RAN: variants seen among roughly 807,000 people sequenced by gnomAD.
RAN encodes the protein GTP-binding nuclear protein Ran.
In RAN, 2 loss-of-function variants were observed where a neutral mutation model predicts 26.8. The ratio of observed to expected loss-of-function variants is 0.07; its 90% CI spans 0.03 to 0.23. RAN has a LOEUF of 0.23. Among genes scored for constraint, RAN ranks in the 10% least tolerant of loss-of-function variants. The pLI, the probability that RAN is intolerant of heterozygous loss-of-function variation, is 1.00. For synonymous variants in RAN, 132 were observed against 95.9 expected (o/e 1.38, Z -2.20); for missense variants, 56 against 264.8 (o/e 0.21, Z 5.47).
chr12:130,877,375 A>T lies in RAN; in HGVS notation c.*1449A>T, dbSNP rs1240374475. ...ACTGGCAACAGTTGAGTTTCTTAAG[A>T]TCTGAATTGCTGTGTATGTTACGCT... On this transcript the variant is annotated 3_prime_UTR_variant, in exon 7 of 7. Coordinates refer to ENST00000543796, the MANE Select transcript of RAN (RefSeq NM_006325.5). 1 of 152,238 alleles carries T rather than the reference A, an allele frequency of 6.6e-6. No individual in the cohort carries two copies. The highest frequency in any genetic ancestry group is 1.5e-5 in the Non-Finnish European group (1 of 68,040). 9.4% of individuals were successfully genotyped at this position (152,238 alleles called of 1,614,324 possible). A position where few individuals can be genotyped will look rare whatever the true frequency, so the allele number is the denominator to read the frequency against.
intron 4 of RAN, chr12:130,873,967 C>A (rs41276692): frequency 0.092 from 30,910 of 337,590 alleles, 1,773 homozygotes; most frequent in Middle Eastern, 0.14. Flanking sequence ...CTTACCTCAG[C>A]ATCCTGAGTA....
chr12:130,873,689 C>T (rs758021252), intron 4 of RAN: 3 of 158,242 alleles, frequency 1.9e-5, no homozygotes, highest in Non-Finnish European at 2.8e-5. Context: ...TGGAACCTCA[C>T]GTTGCCGATA....
At chr12:130,872,775 ACT>A (rs1430539906) in intron 2 of RAN, 59 bp from the exon 3 acceptor site, 9 of 1,598,138 alleles carry the variant, frequency 5.6e-6, no homozygotes, top group Admixed American at 1.7e-5. Flanking sequence ...AAGTTCCGTG[ACT>A]CTGGGATCTT....
At chr12:130,875,437 C>A (rs879468236) in intron 5 of RAN, among the ~76,000 whole-genome samples, 175 bp from the exon 6 acceptor site, 1 of 151,942 alleles carries the variant, frequency 6.6e-6, no homozygotes, top group South Asian at 2.1e-4. Context: ...CAGGCCTGAT[C>A]GTGTACTATT....
rs954862513 is a variant in RAN, at chr12:130,872,590, C to T, written c.-4C>T. The T allele has an allele frequency of 3.3e-6, 5 of 1,518,918 alleles. No individual in the cohort carries two copies. The highest frequency in any genetic ancestry group is 4.4e-6 in the Non-Finnish European group (5 of 1,136,978). The allele number at this position is 1,518,918 out of a possible 1,614,324, so 94.1% of individuals were successfully genotyped here. On this transcript the variant is annotated 5_prime_UTR_variant, in exon 2 of 7. Coordinates refer to ENST00000543796, the MANE Select transcript of RAN (RefSeq NM_006325.5). ...CCGTCCTCTGCCTCCGCAGGAACGC[C>T]GCGATGGCTGCGCAGGGAGAGCCCC...
At position 130,874,437 on chromosome 12, in the gene RAN, A is replaced by G. The variant is rs137943859; in HGVS notation, c.248-109A>G. 1.7e-4 allele frequency: 131 copies of G among 777,480 alleles called. No homozygotes were observed. The African/African-American group carries it at 2.2e-3, about 13-fold the overall frequency. 48.2% of individuals were successfully genotyped at this position (777,480 alleles called of 1,614,324 possible). The stretch of plus-strand genomic sequence containing the variant: ...GAAAGTGAGGGGAGAGATACAGGTG[A>G]CTCGTTGAGGTCTAAGACTATAACT... On this transcript the variant is annotated intron_variant, in intron 4 of 6. Transcript: ENST00000543796.
In RAN at chr12:130,876,749, TAAAAA is replaced by T. The variant is rs1279168813; in HGVS notation, c.*824_*828del. 6.7e-6 allele frequency: 1 copy of T among 149,920 alleles called. No individual in the cohort carries two copies. The highest frequency in any genetic ancestry group is 1.5e-5 in the Non-Finnish European group (1 of 68,028). The allele number at this position is 149,920 out of a possible 1,614,324, so 9.3% of individuals were successfully genotyped here. A position where few individuals can be genotyped will look rare whatever the true frequency, so the allele number is the denominator to read the frequency against. On this transcript the variant is annotated 3_prime_UTR_variant, in exon 7 of 7. Transcript: ENST00000543796. The stretch of plus-strand genomic sequence containing the variant: ...GCAGGAGGTTGGGAATTCTTGCTGT[TAAAAA>T]TAATTACAAATTTTGCACTTTTTTG...
At position 130,876,278 on chromosome 12, in the gene RAN, C is replaced by CT. The variant is rs1395046862; in HGVS notation, c.*353dup. ...CAGAATAAAGTTGTATTTCAAATAT[C>CT]TAAGCAAGTGAACTCATCCCTTGTT... On this transcript the variant is annotated 3_prime_UTR_variant, in exon 7 of 7. Transcript: ENST00000543796. The CT allele has an allele frequency of 8.6e-6, 2 of 232,966 alleles. No individual in the cohort carries two copies. The highest frequency in any genetic ancestry group is 2.0e-4 in the East Asian group (2 of 9,934). 14.4% of individuals were successfully genotyped at this position (232,966 alleles called of 1,614,324 possible). A position where few individuals can be genotyped will look rare whatever the true frequency, so the allele number is the denominator to read the frequency against.
At chr12:130,872,964 G>A in intron 3 of RAN, 39 bp from the exon 4 acceptor site, 1 of 1,614,136 alleles carries the variant, frequency 6.2e-7, no homozygotes. Flanking sequence ...GTGAGAAATG[G>A]GTAAGTTCAT....
rs1953268903 is a variant in RAN, at chr12:130,877,431, GAGATGGGA to G, written c.*1508_*1515del. 1 of 152,214 alleles carries G rather than the reference GAGATGGGA, an allele frequency of 6.6e-6. No individual in the cohort carries two copies. The highest frequency in any genetic ancestry group is 2.1e-4 in the South Asian group (1 of 4,826). 9.4% of individuals were successfully genotyped at this position (152,214 alleles called of 1,614,324 possible). ...CAGAACCAGTTTCTAACCAGCCTGT[GAGATGGGA>G]AGTTTTTTCCCCATAATTGGGATGA... On this transcript the variant is annotated 3_prime_UTR_variant, in exon 7 of 7. Coordinates refer to ENST00000543796, the MANE Select transcript of RAN (RefSeq NM_006325.5).
intron 2 of RAN, 54 bp downstream of exon 2, chr12:130,872,683 G>C: frequency 6.5e-7 from 1 of 1,531,932 alleles, no homozygotes; most frequent in Non-Finnish European, 8.8e-7. Context: ...TGCGACTCGC[G>C]GGTCCCTCCT....
chr12:130,875,801 T>TGTTCAGATTGTTCG lies in RAN; in HGVS notation c.606+23_606+36dup, dbSNP rs544419441. ...CTTAGAGGTATTGTGGCCACTTTGCTGTTCAGATTGTTCGGTTTGGCTTGT... is the reference window on the plus strand; with the variant it reads ...CTTAGAGGTATTGTGGCCACTTTGCTGTTCAGATTGTTCGGTTCAGATTGTTCGGTTTGGCTTGT... On this transcript the variant is annotated intron_variant, in intron 6 of 6. Coordinates refer to ENST00000543796, the MANE Select transcript of RAN (RefSeq NM_006325.5). 145 of 1,614,166 alleles carry TGTTCAGATTGTTCG rather than the reference T, an allele frequency of 9.0e-5. No individual in the cohort carries two copies. In the African/African-American group the frequency reaches 1.8e-3, roughly 20 times the overall value.
chr12:130,873,928 G>T (rs1030901764), intron 4 of RAN: 1 of 232,174 alleles, frequency 4.3e-6, no homozygotes, highest in Non-Finnish European at 9.1e-6. Context: ...CTGGAGTGCA[G>T]CTTCCGCCTC....
chr12:130,872,469 C>G (rs999855363), intron 1 of RAN, 115 bp from the exon 2 acceptor site: 2 of 647,904 alleles, frequency 3.1e-6, no homozygotes. Flanking sequence ...CGCCATGGCG[C>G]CGCGGGCGGG....
chr12:130,875,748 C>T lies in RAN; in HGVS notation c.572C>T (p.Pro191Leu). 6.2e-7 allele frequency: 1 copy of T among 1,614,038 alleles called. No individual in the cohort carries two copies. Among genetic ancestry groups the T allele is most frequent in the Non-Finnish European group, 8.5e-7 (1 of 1,179,978 alleles). Residue 191 changes from proline to leucine, a missense_variant, in exon 6 of 7, where the codon CCA (proline) becomes CTA (leucine). Coordinates refer to ENST00000543796, the MANE Select transcript of RAN (RefSeq NM_006325.5). ...GCCCCACCAGAAGTTGTCATGGACCCAGCTTTGGCAGCACAGTATGAGCAC... is the reference window on the plus strand; with the variant it reads ...GCCCCACCAGAAGTTGTCATGGACCTAGCTTTGGCAGCACAGTATGAGCAC... Reference protein sequence around the residue: ...ALAPPEVVMDPALAAQYEHDL... With the variant: ...ALAPPEVVMDLALAAQYEHDL...
chr12:130,872,756 T>G, intron 2 of RAN, 80 bp from the exon 3 acceptor site: 1 of 1,582,840 alleles, frequency 6.3e-7, no homozygotes, highest in Non-Finnish European at 8.7e-7. Context: ...AGTGAGCCTG[T>G]GGTGGTTAAA....
At chr12:130,875,462 C>G in intron 5 of RAN, 150 bp from the exon 6 acceptor site, 3 of 722,414 alleles carry the variant, frequency 4.2e-6, no homozygotes, top group Admixed American at 3.0e-5. Context: ...TCAGGCAATC[C>G]CACCTCAGCC....
chr12:130,874,901 C>G (rs943793900), intron 5 of RAN, among the ~76,000 whole-genome samples, 168 bp downstream of exon 5: 1 of 152,074 alleles, frequency 6.6e-6, no homozygotes, highest in Non-Finnish European at 1.5e-5. Context: ...TGGCTCACTG[C>G]GACCTCCGCC....
chr12:130,875,728 A>C lies in RAN; in HGVS notation c.552A>C (p.Pro184=). The C allele has an allele frequency of 6.2e-7, 1 of 1,614,106 alleles. No individual in the cohort carries two copies. Among genetic ancestry groups the C allele is most frequent in the Non-Finnish European group, 8.5e-7 (1 of 1,180,008 alleles). The change falls in exon 6 of 7, where the codon CCA becomes CCC. Residue 184 remains proline, a synonymous_variant. Transcript: ENST00000543796. ...TTGTTGCCATGCCTGCTCTCGCCCC[A>C]CCAGAAGTTGTCATGGACCCAGCTT... is the stretch of plus-strand genomic sequence containing the variant. ...LEFVAMPALA[P]PEVVMDPALA... is the part of the protein sequence containing the mutation.
Sources: gnomAD v4.1 joint callset for allele counts (sites outside exome capture counted in the v4.1 genomes callset) on GRCh38, gnomAD v4.1.1 for gene constraint, MANE v1.5 for transcripts, NCBI Gene and HGNC (gene_info 2026-07-23, HGNC 2026-07-21) for gene names.